The following LRP2 variants were observed in gnomAD, a reference collection of about 807,000 sequenced individuals.
LRP2 encodes LDL receptor related protein 2, also known as low-density lipoprotein receptor-related protein 2.
LRP2 carries 172 observed loss-of-function variants against 531.0 expected under a neutral mutation model. The ratio of observed to expected loss-of-function variants is 0.32; its 90% confidence interval spans 0.29 to 0.37. LRP2 has a LOEUF of 0.37. Ranked by LOEUF, LRP2 falls within the 10% of genes least tolerant of loss-of-function variation. The pLI is 1.00. For synonymous variants in LRP2, 1,992 were observed against 2,027.6 expected (o/e 0.98, Z 0.47); for missense variants, 5,167 against 5,868.3 (o/e 0.88, Z 3.90).
chr2:169,280,167 T>G (rs1683663459), intron 11 of LRP2, among the ~76,000 whole-genome samples, 183 bp downstream of exon 11: 1 of 152,228 alleles, frequency 6.6e-6, no homozygotes, highest in African/African-American at 2.4e-5. Context: ...TATAATAGAC[T>G]GCTTTGTTTA....
chr2:169,212,100 T>G lies in LRP2; in HGVS notation c.6148A>C (p.Lys2050Gln), dbSNP rs1559019621. 2.5e-6 allele frequency: 4 copies of G among 1,614,040 alleles called. No homozygotes were observed. Among genetic ancestry groups the G allele is most frequent in the East Asian group, 2.2e-5 (1 of 44,876 alleles). ...LFSCACATGFKLNPDNRSCSP... is the reference protein window; with the variant it reads ...LFSCACATGFQLNPDNRSCSP... ...CAGGACCGATTATCAGGATTGAGTT[T>G]AAATCCAGTGGCACAGGCGCAGGAA... Residue 2050 changes from lysine (K) to glutamine (Q), a missense_variant, in exon 37 of 79, where the codon AAA becomes CAA. Around this residue, in one of 6 missense-constraint regions of LRP2, gnomAD observed 2,811 missense variants for 3,058.0 expected, o/e 0.92. Coordinates refer to ENST00000649046, the MANE Select transcript of LRP2 (RefSeq NM_004525.3).
intron 9 of LRP2, among the ~76,000 whole-genome samples, chr2:169,284,879 C>A (rs544669572): frequency 6.6e-6 from 1 of 152,148 alleles, no homozygotes; most frequent in Non-Finnish European, 1.5e-5. Context: ...CATGAGACCA[C>A]GTCTAAGGAT....
intron 77 of LRP2, among the ~76,000 whole-genome samples, chr2:169,132,239 C>T (rs1410360333): frequency 2.0e-5 from 3 of 152,164 alleles, no homozygotes; most frequent in Admixed American, 6.5e-5. Context: ...GTATCTTTGA[C>T]ACCGTGAAAT....
chr2:169,215,040 G>A (rs1482621413), intron 35 of LRP2, among the ~76,000 whole-genome samples: 1 of 147,608 alleles, frequency 6.8e-6, no homozygotes, highest in African/African-American at 2.5e-5. Flanking sequence ...GCTGTGCCCT[G>A]TCAGATGTGT....
chr2:169,288,428 T>C (rs1490910090), intron 9 of LRP2, among the ~76,000 whole-genome samples: 2 of 152,210 alleles, frequency 1.3e-5, no homozygotes, highest in Non-Finnish European at 2.9e-5. Flanking sequence ...AGCACCATGA[T>C]AAAGAATCTG....
At chr2:169,170,921 GTT>G (rs57451386) in intron 58 of LRP2, among the ~76,000 whole-genome samples, 927 of 91,828 alleles carry the variant, frequency 0.01, 5 homozygotes, top group African/African-American at 0.035. Flanking sequence ...CTCTCTCTCT[GTT>G]TTTTTTTTTT....
rs768131622 is a variant in LRP2, at chr2:169,202,863, C to A, written c.8102G>T (p.Gly2701Val). The change falls in exon 43 of 79, where the codon GGT becomes GTT. Residue 2701 changes from glycine to valine, a missense_variant. By Grantham distance (109) the Gly-to-Val change is moderately radical (BLOSUM62 -3). Transcript: ENST00000649046. ...HCIVDNGERC[G>V]ASSFTCSNGR... ...ATTGGAGCAGGTGAAGGAAGATGCA[C>A]CACATCGTTCACCATTGTCCACAAT... 5 of 1,614,062 alleles carry A rather than the reference C, an allele frequency of 3.1e-6. No homozygotes were observed. The highest frequency in any genetic ancestry group is 4.2e-6 in the Non-Finnish European group (5 of 1,180,026).
intron 77 of LRP2, among the ~76,000 whole-genome samples, chr2:169,132,127 A>G (rs1469678227): frequency 6.6e-6 from 1 of 152,218 alleles, no homozygotes; most frequent in Non-Finnish European, 1.5e-5. Context: ...AGTGCCATCT[A>G]GTGGTAAAGA....
intron 19 of LRP2, 57 bp downstream of exon 19, chr2:169,256,049 C>G (rs901885465): frequency 1.3e-6 from 2 of 1,574,692 alleles, no homozygotes; most frequent in Middle Eastern, 1.7e-4. Context: ...GATGAGTTTA[C>G]TATTGTAACT....
chr2:169,132,532 T>A, intron 77 of LRP2, 42 bp downstream of exon 77: 1 of 1,198,120 alleles, frequency 8.3e-7, no homozygotes. Flanking sequence ...ATCCCAAAGT[T>A]TTTCCAAATC....
intron 3 of LRP2, among the ~76,000 whole-genome samples, chr2:169,313,259 T>G (rs1185056551): frequency 6.6e-6 from 1 of 152,248 alleles, no homozygotes; most frequent in Non-Finnish European, 1.5e-5. Context: ...GGTGAGGAGC[T>G]GCGTTCCTTT....
Position 169,206,828 on chromosome 2 carries a change from T to C in LRP2, c.6892A>G (p.Lys2298Glu). The change falls in exon 39 of 79, where the codon AAA (lysine) becomes GAA (glutamate). Residue 2298 changes from lysine (K) to glutamate (E), a missense_variant. By Grantham distance (56) the Lys-to-Glu change is moderately conservative. Transcript: ENST00000649046. ...TCCTTGCTGGCTTGGAAGATCTTTT[T>C]CAAATTCCTATCTACCCATATGATA... is the stretch of plus-strand genomic sequence containing the variant. ...NSIIWVDRNL[K>E]KIFQASKEPE... The C allele has an allele frequency of 6.2e-7, 1 of 1,614,210 alleles. No homozygotes were observed. The highest frequency in any genetic ancestry group is 1.1e-5 in the South Asian group (1 of 91,086).
intron 3 of LRP2, among the ~76,000 whole-genome samples, chr2:169,315,961 A>C (rs964276073): frequency 0.068 from 4,131 of 60,524 alleles, 58 homozygotes; most frequent in African/African-American, 0.19. Flanking sequence ...CATCTCTACA[A>C]AAAAAAAAAA....
chr2:169,182,413 C>G (rs998651688), intron 50 of LRP2, 94 bp from the exon 51 acceptor site: 2 of 1,596,060 alleles, frequency 1.3e-6, no homozygotes, highest in Middle Eastern at 3.5e-4. Flanking sequence ...ACCTGAGAAT[C>G]ACAGACAGTT....
At chr2:169,133,426 T>C (rs1685363124) in intron 76 of LRP2, among the ~76,000 whole-genome samples, 1 of 152,264 alleles carries the variant, frequency 6.6e-6, no homozygotes, top group Admixed American at 6.5e-5. Context: ...AAATGAAATG[T>C]CGTATCTCTT....
chr2:169,135,390 G>A (rs72890403), intron 76 of LRP2, among the ~76,000 whole-genome samples: 13 of 152,302 alleles, frequency 8.5e-5, no homozygotes, highest in Non-Finnish European at 1.6e-4. Flanking sequence ...GATAGGAAGA[G>A]GCCTTTCCCA....
Position 169,173,776 on chromosome 2 carries a change from C to G in LRP2, c.11014+143G>C. The G allele has an allele frequency of 3.6e-6, 4 of 1,111,384 alleles. No individual in the cohort carries two copies. The South Asian group carries it at 5.2e-5, about 14-fold the overall frequency. 68.8% of individuals were successfully genotyped at this position (1,111,384 alleles called of 1,614,324 possible). A position where few individuals can be genotyped will look rare whatever the true frequency, so the allele number is the denominator to read the frequency against. The stretch of plus-strand genomic sequence containing the variant: ...AGCCACACAGCTATACTCTGCCTTG[C>G]AGTGCCAGAGTTTGCAGGGAGTGCC... On this transcript the variant is annotated intron_variant, in intron 56 of 78. Transcript: ENST00000649046.
chr2:169,325,866 G>A (rs1206085006), intron 1 of LRP2, among the ~76,000 whole-genome samples: 2 of 151,860 alleles, frequency 1.3e-5, no homozygotes, highest in Admixed American at 6.6e-5. Flanking sequence ...TTGATTCAGA[G>A]CCCTGATGTT....
At chr2:169,208,155 G>A (rs2105335425) in intron 38 of LRP2, among the ~76,000 whole-genome samples, 1 of 152,222 alleles carries the variant, frequency 6.6e-6, no homozygotes, top group East Asian at 1.9e-4. Flanking sequence ...GGTTTCACAA[G>A]TACTCAACAC....
Sources: allele counts gnomAD v4.1 joint callset (sites outside exome capture counted in the v4.1 genomes callset), GRCh38; gene constraint gnomAD v4.1.1; regional missense constraint gnomAD v4.1.1; transcripts MANE v1.5; gene names NCBI Gene and HGNC (gene_info 2026-07-23, HGNC 2026-07-21).